The following COL4A1 variants were observed in gnomAD, a reference collection of about 807,000 sequenced individuals.
COL4A1 encodes the protein collagen type IV alpha 1 chain.
Under a neutral mutation model 216.6 loss-of-function variants are expected in COL4A1, and 40 were observed. The observed-to-expected ratio is 0.18, with a 90% confidence interval of 0.14 to 0.24. The LOEUF is 0.24. COL4A1 is among the 10% of genes least tolerant of loss of function. The pLI is 1.00. For synonymous variants in COL4A1, 839 were observed against 810.7 expected, an observed-to-expected ratio of 1.03 and a Z score of -0.59; for missense variants, 1,628 against 2,196.8, an observed-to-expected ratio of 0.74 and a Z score of 5.18.
At chr13:110,293,836 T>C (rs1480256212) in intron 1 of COL4A1, among the ~76,000 whole-genome samples, 1 of 152,232 alleles carries the variant, frequency 6.6e-6, no homozygotes, top group African/African-American at 2.4e-5. Flanking sequence ...GCACTGCCAA[T>C]TGTCCAGGAC....
At chr13:110,218,185 A>G (rs565764831) in intron 2 of COL4A1, among the ~76,000 whole-genome samples, 2 of 133,654 alleles carry the variant, frequency 1.5e-5, no homozygotes, top group South Asian at 5.6e-4. Context: ...ACCTAGAATA[A>G]GCAGTCATCA....
At chr13:110,269,560 G>C (rs938453881) in intron 1 of COL4A1, among the ~76,000 whole-genome samples, 1 of 152,016 alleles carries the variant, frequency 6.6e-6, no homozygotes, top group African/African-American at 2.4e-5. Context: ...AAATTAAGCT[G>C]CACCTGGAAC....
chr13:110,209,645 A>C lies in COL4A1; in HGVS notation c.616-218T>G, dbSNP rs148594186. ...ATCCATCTCCCCTGCTCCCTGGTGA[A>C]GTCACCTGGGGCACAGCCTGTCTGT... On this transcript the variant is annotated intron_variant, in intron 10 of 51. Transcript: ENST00000375820. 2.6e-5 allele frequency among the ~76,000 whole-genome samples: 4 copies of C among 152,294 alleles called. No homozygotes were observed. In the East Asian group the frequency reaches 7.7e-4, roughly 29 times the overall value.
At chr13:110,210,679 C>A (rs1879751997) in intron 8 of COL4A1, among the ~76,000 whole-genome samples, 1 of 152,198 alleles carries the variant, frequency 6.6e-6, no homozygotes, top group Non-Finnish European at 1.5e-5. Flanking sequence ...AAACACCAGA[C>A]CAGATGTTTC....
At chr13:110,167,948 T>C (rs940139067) in intron 43 of COL4A1, among the ~76,000 whole-genome samples, 3 of 152,094 alleles carry the variant, frequency 2.0e-5, no homozygotes, top group African/African-American at 7.2e-5. Flanking sequence ...TACAAACACA[T>C]ATTTATACAT....
rs1362542874 is a variant in COL4A1 at position 110,195,110 on chromosome 13, C to A, written c.1294G>T (p.Val432Leu). 6.2e-7 allele frequency: 1 copy of A among 1,613,932 alleles called. No individual in the cohort carries two copies. Among genetic ancestry groups the A allele is most frequent in the African/African-American group, 1.3e-5 (1 of 74,934 alleles). Residue 432 changes from valine (V) to leucine (L), a missense_variant, in exon 22 of 52, where the codon GTG (valine) becomes TTG (leucine). Around this residue, in one of 8 missense-constraint regions of COL4A1, gnomAD observed 701 missense variants for 892.5 expected, o/e 0.79. Coordinates refer to ENST00000375820, the MANE Select transcript of COL4A1 (RefSeq NM_001845.6). ...CCTGGAGGTCCGGGCTGACATTCCACAATTCCATCTGAAATTGAGTTGTCA... is the reference window on the plus strand; with the variant it reads ...CCTGGAGGTCCGGGCTGACATTCCAAAATTCCATCTGAAATTGAGTTGTCA... ...PGQPGYTNGIVECQPGPPGDQ... is the reference protein window; with the variant it reads ...PGQPGYTNGILECQPGPPGDQ...
At chr13:110,200,830 A>G (rs1879158186) in intron 20 of COL4A1, 24 bp downstream of exon 20, 1 of 1,612,508 alleles carries the variant, frequency 6.2e-7, no homozygotes, top group Non-Finnish European at 8.5e-7. Context: ...AGTATGCTAT[A>G]ACAAATCAGT....
At chr13:110,242,073 TTCC>T (rs1477776913) in intron 2 of COL4A1, among the ~76,000 whole-genome samples, 16 of 152,208 alleles carry the variant, frequency 1.1e-4, no homozygotes, top group African/African-American at 3.6e-4. Flanking sequence ...GGCACCCTCT[TTCC>T]AACCAACTGA....
chr13:110,188,255 A>AC (rs2139174915), intron 24 of COL4A1, among the ~76,000 whole-genome samples: 1 of 152,288 alleles, frequency 6.6e-6, no homozygotes, highest in South Asian at 2.1e-4. Flanking sequence ...CTTAATGTGA[A>AC]TTTTTTTTCA....
chr13:110,165,458 A>G (rs969905354), intron 45 of COL4A1, among the ~76,000 whole-genome samples: 1 of 152,094 alleles, frequency 6.6e-6, no homozygotes, highest in Non-Finnish European at 1.5e-5. Flanking sequence ...CTTCTTCTGC[A>G]TGGCAAGTCT....
intron 45 of COL4A1, 81 bp downstream of exon 45, chr13:110,166,151 C>T (rs1214490338): frequency 1.2e-6 from 1 of 855,754 alleles, no homozygotes; most frequent in African/African-American, 1.7e-5. Context: ...AAAAACCAAA[C>T]ACCCCAATTC....
chr13:110,227,101 T>C (rs1014179716), intron 2 of COL4A1, among the ~76,000 whole-genome samples: 1 of 152,206 alleles, frequency 6.6e-6, no homozygotes, highest in African/African-American at 2.4e-5. Context: ...AATGCCATTT[T>C]CACTATGCCT....
chr13:110,201,364 G>T, intron 19 of COL4A1, 74 bp downstream of exon 19: 3 of 1,045,518 alleles, frequency 2.9e-6, no homozygotes, highest in Non-Finnish European at 4.1e-6. Context: ...GGAGGAAGAG[G>T]ACGAGGAGGA....
At chr13:110,242,998 C>T (rs764569562) in intron 1 of COL4A1, among the ~76,000 whole-genome samples, 6 of 152,232 alleles carry the variant, frequency 3.9e-5, no homozygotes, top group Non-Finnish European at 8.8e-5. Flanking sequence ...AACAATGTCA[C>T]CTATACTTTT....
intron 1 of COL4A1, among the ~76,000 whole-genome samples, chr13:110,245,509 G>A (rs1881759416): frequency 6.6e-6 from 1 of 152,160 alleles, no homozygotes; most frequent in Non-Finnish European, 1.5e-5. Context: ...GTGGATTTTC[G>A]ACTTGTGAGT....
At position 110,207,774 on chromosome 13, in the gene COL4A1, C is replaced by T. The variant is rs928978405; in HGVS notation, c.694-285G>A. Reference sequence around the variant, plus strand: ...CACCTGCAAGACACCTCCGGACTTGCGTGCCCCTGTATAGTGTATACTGGC... The same window carrying T: ...CACCTGCAAGACACCTCCGGACTTGTGTGCCCCTGTATAGTGTATACTGGC... On this transcript the variant is annotated intron_variant, in intron 12 of 51. Transcript: ENST00000375820. This position sits in a 1 kb window ranked among gnomAD's most constrained non-coding sequence, Gnocchi z 4.4. Among the ~76,000 whole-genome samples, 3 of 152,216 alleles carry T rather than the reference C, an allele frequency of 2.0e-5. No individual in the cohort carries two copies. The highest frequency in any genetic ancestry group is 4.4e-5 in the Non-Finnish European group (3 of 68,016).
At chr13:110,222,773 A>AG (rs1364466831) in intron 2 of COL4A1, among the ~76,000 whole-genome samples, 4 of 71,666 alleles carry the variant, frequency 5.6e-5, no homozygotes, top group South Asian at 4.0e-4. Context: ...ACTCTGCTTT[A>AG]AAAAAAAAAA....
At chr13:110,260,067 T>G (rs1226477499) in intron 1 of COL4A1, among the ~76,000 whole-genome samples, 5 of 152,206 alleles carry the variant, frequency 3.3e-5, no homozygotes, top group Admixed American at 2.6e-4. Context: ...TCTCGTGCCA[T>G]CTCTGCTCCG....
Position 110,253,180 on chromosome 13 carries a change from CGTAT to C in COL4A1, c.85-10450_85-10447del, listed in dbSNP as rs1228869083. Among the ~76,000 whole-genome samples the C allele has an allele frequency of 5.7e-3, 519 of 91,104 alleles. 51 individuals carry two copies. Among genetic ancestry groups the C allele is most frequent in the East Asian group, 0.017 (48 of 2,882 alleles). The allele number at this position is 91,104 out of a possible 152,430, so 59.8% of individuals were successfully genotyped here. On this transcript the variant is annotated intron_variant, in intron 1 of 51. Coordinates refer to ENST00000375820, the MANE Select transcript of COL4A1 (RefSeq NM_001845.6). ...TTATATATACATATAACTATATGTA[CGTAT>C]GTATTATATATACATATAACTATAT...
Sources: gnomAD v4.1 joint callset for allele counts (sites outside exome capture counted in the v4.1 genomes callset) on GRCh38, gnomAD v4.1.1 for gene constraint, gnomAD v4.1.1 regional missense constraint, Gnocchi (gnomAD v3.1) non-coding constraint, MANE v1.5 for transcripts, NCBI Gene and HGNC (gene_info 2026-07-23, HGNC 2026-07-21) for gene names.